GRAMD1B: variants seen among roughly 807,000 people sequenced by gnomAD.
GRAMD1B encodes protein Aster-B.
GRAMD1B carries 37 observed loss-of-function variants against 99.7 expected under a neutral mutation model. The observed-to-expected ratio is 0.37, with a 90% CI of 0.29 to 0.49. The LOEUF is 0.49. Among genes scored for constraint, GRAMD1B ranks in the 20% least tolerant of loss-of-function variants. The probability of loss-of-function intolerance (pLI) is 0.98; values close to 1 mark genes in which losing one functional copy is unlikely to be tolerated. For synonymous variants in GRAMD1B, 427 were observed against 387.6 expected (o/e 1.10, Z -1.19); for missense variants, 888 against 1,009.2 (o/e 0.88, Z 1.63).
At chr11:123,440,203 A>AT (rs947545659) in intron 1 of GRAMD1B, among the ~76,000 whole-genome samples, 2 of 152,196 alleles carry the variant, frequency 1.3e-5, no homozygotes, top group African/African-American at 2.4e-5. Flanking sequence ...ACAAGAAATC[A>AT]TTTTTTATGC....
chr11:123,610,473 G>A lies in GRAMD1B; in HGVS notation c.1919+135G>A. On this transcript the variant is annotated intron_variant, in intron 14 of 19. Transcript: ENST00000635736. The surrounding 1 kb of genome is among the most constrained non-coding windows in gnomAD (Gnocchi z 4.1). ...CTCTTTATTCTACTTTCTCTCCGAA[G>A]CCTTATGAGGCTCACCCACCACTCT... 1.2e-6 allele frequency: 1 copy of A among 802,778 alleles called. No homozygotes were observed. The highest frequency in any genetic ancestry group is 1.6e-5 in the South Asian group (1 of 63,076). 49.7% of individuals were successfully genotyped at this position (802,778 alleles called of 1,614,324 possible).
At chr11:123,500,994 A>G (rs1939796317) in intron 2 of GRAMD1B, among the ~76,000 whole-genome samples, 1 of 151,980 alleles carries the variant, frequency 6.6e-6, no homozygotes. Context: ...TTTTGAGGGC[A>G]TATTGCGTGC....
chr11:123,364,595 G>A (rs1168128124), intron 1 of GRAMD1B, among the ~76,000 whole-genome samples: 4 of 152,190 alleles, frequency 2.6e-5, no homozygotes, highest in Admixed American at 1.3e-4. Flanking sequence ...TTTTATGCAC[G>A]TTGAGGAAGA....
chr11:123,386,335 A>T (rs886450224), intron 1 of GRAMD1B, among the ~76,000 whole-genome samples: 2 of 150,710 alleles, frequency 1.3e-5, no homozygotes, highest in Non-Finnish European at 3.0e-5. Flanking sequence ...ATCCAGGAAG[A>T]CCTCCTCAAG....
At chr11:123,501,437 C>T (rs767937260) in intron 2 of GRAMD1B, among the ~76,000 whole-genome samples, 2 of 152,190 alleles carry the variant, frequency 1.3e-5, no homozygotes, top group Non-Finnish European at 2.9e-5. Flanking sequence ...TCCCAAAGAG[C>T]TGGGATTACA....
chr11:123,569,223 G>C (rs941882510), intron 2 of GRAMD1B, among the ~76,000 whole-genome samples: 4 of 152,116 alleles, frequency 2.6e-5, no homozygotes, highest in Admixed American at 6.5e-5. Flanking sequence ...TGGGACTGTG[G>C]GTTTATTTTC....
At chr11:123,446,656 CTGCCAGAGAGA>C (rs1949659006) in intron 1 of GRAMD1B, among the ~76,000 whole-genome samples, 1 of 152,184 alleles carries the variant, frequency 6.6e-6, no homozygotes, top group Admixed American at 6.5e-5. Context: ...TTTTGCTTCA[CTGCCAGAGAGA>C]TGCGACTGAA....
At chr11:123,575,743 G>T (rs992113871) in intron 2 of GRAMD1B, among the ~76,000 whole-genome samples, 1 of 152,094 alleles carries the variant, frequency 6.6e-6, no homozygotes, top group Non-Finnish European at 1.5e-5. Context: ...GTAAAGGAAG[G>T]TACCTTCCTT....
At chr11:123,519,243 C>G (rs1377172446) in intron 2 of GRAMD1B, among the ~76,000 whole-genome samples, 1 of 152,202 alleles carries the variant, frequency 6.6e-6, no homozygotes, top group Non-Finnish European at 1.5e-5. Flanking sequence ...GCAGCCCACA[C>G]TGTCACCCCA....
chr11:123,584,396 G>GT, intron 4 of GRAMD1B, 64 bp downstream of exon 4: 3 of 732,616 alleles, frequency 4.1e-6, no homozygotes. Context: ...TGGAGGTTGG[G>GT]GGAAGGGGTG....
intron 2 of GRAMD1B, among the ~76,000 whole-genome samples, chr11:123,490,238 C>A (rs902727571): frequency 2.6e-5 from 4 of 152,010 alleles, no homozygotes; most frequent in Admixed American, 2.6e-4. Context: ...GGGGTTGGGG[C>A]CAAGGTGTAA....
At chr11:123,481,929 G>C (rs1951630925) in intron 2 of GRAMD1B, among the ~76,000 whole-genome samples, 1 of 152,134 alleles carries the variant, frequency 6.6e-6, no homozygotes, top group Non-Finnish European at 1.5e-5. Context: ...AAAAGCAGAA[G>C]GTACTTTTAC....
chr11:123,389,838 T>G (rs1947209166), intron 1 of GRAMD1B, among the ~76,000 whole-genome samples: 1 of 152,092 alleles, frequency 6.6e-6, no homozygotes, highest in Non-Finnish European at 1.5e-5. Context: ...CTCTGCCTCC[T>G]GGGTTCAAGC....
At chr11:123,542,901 G>A (rs1230277827) in intron 2 of GRAMD1B, among the ~76,000 whole-genome samples, 3 of 152,042 alleles carry the variant, frequency 2.0e-5, no homozygotes, top group Non-Finnish European at 4.4e-5. Context: ...TGATCCACTC[G>A]CCTCAGCCTC....
chr11:123,455,707 C>G (rs918718184), intron 1 of GRAMD1B, among the ~76,000 whole-genome samples: 1 of 151,976 alleles, frequency 6.6e-6, no homozygotes, highest in Non-Finnish European at 1.5e-5. Flanking sequence ...ACACTTTGTA[C>G]TTCTGAAATT....
intron 2 of GRAMD1B, among the ~76,000 whole-genome samples, chr11:123,504,820 C>T (rs1402130224): frequency 6.6e-6 from 1 of 152,082 alleles, no homozygotes; most frequent in Non-Finnish European, 1.5e-5. Flanking sequence ...TAGCTGGAAT[C>T]ACAGGCGTGC....
chr11:123,498,905 C>A lies in GRAMD1B; in HGVS notation c.452+18012C>A, dbSNP rs142575954. Reference sequence around the variant, plus strand: ...TGGACCATGCTTTGAGAAATATGCTCTTTCTCGAAAAGCAGTGCTGATAAA... The same window carrying A: ...TGGACCATGCTTTGAGAAATATGCTATTTCTCGAAAAGCAGTGCTGATAAA... On this transcript the variant is annotated intron_variant, in intron 2 of 19. Transcript: ENST00000635736. 4.3e-3 allele frequency among the ~76,000 whole-genome samples: 661 copies of A among 152,262 alleles called. 2 individuals carry two copies. Among genetic ancestry groups the A allele is most frequent in the Admixed American group, 9.1e-3 (139 of 15,292 alleles).
chr11:123,551,621 C>T (rs1009977190), intron 2 of GRAMD1B, among the ~76,000 whole-genome samples: 6 of 152,142 alleles, frequency 3.9e-5, no homozygotes, highest in Admixed American at 3.9e-4. Context: ...ATTATTTAGT[C>T]TCTTTCCATG....
intron 1 of GRAMD1B, among the ~76,000 whole-genome samples, chr11:123,363,898 G>A (rs1394258979): frequency 6.6e-6 from 1 of 152,130 alleles, no homozygotes; most frequent in Non-Finnish European, 1.5e-5. Context: ...AGATTTAGTA[G>A]CAATTAAATG....
Sources: allele counts gnomAD v4.1 joint callset (sites outside exome capture counted in the v4.1 genomes callset), GRCh38; gene constraint gnomAD v4.1.1; non-coding constraint Gnocchi (gnomAD v3.1); transcripts MANE v1.5; gene names NCBI Gene and HGNC (gene_info 2026-07-23, HGNC 2026-07-21).